Variants in MEGF11 observed in about 807,000 individuals in gnomAD.
MEGF11 encodes the protein multiple EGF like domains 11, also known as multiple epidermal growth factor-like domains protein 11.
MEGF11 carries 126 observed loss-of-function variants against 146.6 expected under a neutral mutation model. The observed-to-expected ratio is 0.86, with a 90% CI of 0.74 to 1.00. MEGF11 has a LOEUF of 1.00. MEGF11 is among the 50% of genes least tolerant of loss of function. MEGF11 has a pLI of 0.00. For missense variants in MEGF11, 1,509 were observed against 1,521.2 expected (o/e 0.99, Z 0.13); for synonymous variants, 532 against 583.4 (o/e 0.91, Z 1.27).
At chr15:66,190,487 G>A (rs1239040509) in intron 1 of MEGF11, among the ~76,000 whole-genome samples, 1 of 152,176 alleles carries the variant, frequency 6.6e-6, no homozygotes, top group Non-Finnish European at 1.5e-5. Flanking sequence ...ACAGGAGGAG[G>A]GGGCAGGGGC....
intron 5 of MEGF11, among the ~76,000 whole-genome samples, chr15:66,093,493 G>A (rs185257144): frequency 3.0e-4 from 45 of 152,272 alleles, no homozygotes; most frequent in Middle Eastern, 3.4e-3. Context: ...TAGTGGAGCC[G>A]CTTGGCTATG....
intron 4 of MEGF11, among the ~76,000 whole-genome samples, chr15:66,103,865 C>T (rs964241169): frequency 2.6e-5 from 4 of 152,290 alleles, no homozygotes; most frequent in Admixed American, 6.5e-5. Context: ...GCACAGACCC[C>T]CAGCCAGACG....
chr15:65,977,366 G>T (rs1170756732), intron 7 of MEGF11, among the ~76,000 whole-genome samples: 1 of 152,042 alleles, frequency 6.6e-6, no homozygotes, highest in African/African-American at 2.4e-5. Flanking sequence ...GTTGGTATGG[G>T]TGCTGTGAAG....
chr15:66,194,064 A>T (rs2140062361), intron 1 of MEGF11, among the ~76,000 whole-genome samples: 1 of 152,358 alleles, frequency 6.6e-6, no homozygotes, highest in South Asian at 2.1e-4. Context: ...TGTTTACAGC[A>T]GTACAATTCG....
intron 13 of MEGF11, among the ~76,000 whole-genome samples, chr15:65,924,024 C>A (rs1470931648): frequency 3.3e-5 from 5 of 152,114 alleles, no homozygotes; most frequent in Non-Finnish European, 7.4e-5. Context: ...AAAATCATGT[C>A]TGCCTTGTTA....
At chr15:66,124,660 C>T (rs569774304) in intron 2 of MEGF11, among the ~76,000 whole-genome samples, 1 of 152,334 alleles carries the variant, frequency 6.6e-6, no homozygotes, top group Non-Finnish European at 1.5e-5. Flanking sequence ...TCTATTCTGC[C>T]TCTAGTATAG....
At chr15:66,247,164 A>C (rs1226352357) in intron 1 of MEGF11, among the ~76,000 whole-genome samples, 1 of 152,180 alleles carries the variant, frequency 6.6e-6, no homozygotes, top group Non-Finnish European at 1.5e-5. Context: ...TTCCCTAGCT[A>C]CTATGGCTCC....
At chr15:65,973,354 A>G (rs1381217694) in intron 7 of MEGF11, among the ~76,000 whole-genome samples, 1 of 152,208 alleles carries the variant, frequency 6.6e-6, no homozygotes, top group African/African-American at 2.4e-5. Context: ...AACTGGAGAG[A>G]CTTCTAATGG....
chr15:66,008,411 G>GCACGCA (rs1555460842), intron 5 of MEGF11, among the ~76,000 whole-genome samples: 2 of 52,058 alleles, frequency 3.8e-5, no homozygotes, highest in African/African-American at 9.7e-5. Flanking sequence ...ACGCGCGCGC[G>GCACGCA]CACACACACA....
Position 65,965,007 on chromosome 15 carries a change from C to T in MEGF11, c.1013G>A (p.Gly338Asp), listed in dbSNP as rs1438274208. ...PTTGACECEP[G>D]YKGPRCQERL... is the part of the protein sequence containing the mutation. ...CTCCTGGCAGCGTGGGCCCTTGTAG[C>T]CAGGCTCACACTCGCAGGCACCCGT... is the stretch of plus-strand genomic sequence containing the variant. The change falls in exon 9 of 26, where the codon GGC (glycine) becomes GAC (aspartate). Residue 338 changes from glycine (G) to aspartate (D), a missense_variant. Gly to Asp is a moderately conservative substitution (Grantham distance 94). Transcript: ENST00000395614. 1.3e-6 allele frequency: 2 copies of T among 1,571,428 alleles called. No homozygotes were observed. The highest frequency in any genetic ancestry group is 1.4e-5 in the African/African-American group (1 of 73,962).
intron 8 of MEGF11, among the ~76,000 whole-genome samples, chr15:65,965,587 TCTTTCTTTCTTTC>T (rs750485009): frequency 0.2 from 7,996 of 39,174 alleles, 725 homozygotes; most frequent in East Asian, 0.59. Flanking sequence ...TTTCTTTCTT[TCTTTCTTTCTTTC>T]TTTTTTTTTT....
At chr15:65,899,350 G>A (rs548851392) in intron 24 of MEGF11, among the ~76,000 whole-genome samples, 1 of 152,136 alleles carries the variant, frequency 6.6e-6, no homozygotes, top group Non-Finnish European at 1.5e-5. Context: ...CATGCCTTTG[G>A]ACTCCTTGGC....
chr15:66,198,278 G>C (rs2091059599), intron 1 of MEGF11, among the ~76,000 whole-genome samples: 1 of 152,096 alleles, frequency 6.6e-6, no homozygotes, highest in Non-Finnish European at 1.5e-5. Context: ...CTTCTTAAAG[G>C]GACCCTGGGT....
chr15:66,243,501 C>T (rs531273754), intron 1 of MEGF11, among the ~76,000 whole-genome samples: 78 of 152,202 alleles, frequency 5.1e-4, no homozygotes, highest in African/African-American at 1.7e-3. Context: ...CAGCTGGGAG[C>T]GGGGCAATCT....
At chr15:65,907,249 T>G (rs28394550) in intron 23 of MEGF11, among the ~76,000 whole-genome samples, 1,644 of 152,300 alleles carry the variant, frequency 0.011, 37 homozygotes, top group African/African-American at 0.037. Flanking sequence ...TACTGAGAGA[T>G]ATGGCAGAAC....
intron 10 of MEGF11, among the ~76,000 whole-genome samples, chr15:65,931,853 A>T (rs140683108): frequency 7.3e-4 from 111 of 152,350 alleles, no homozygotes; most frequent in African/African-American, 2.6e-3. Flanking sequence ...CACAGCACTC[A>T]TAGGAGATAG....
rs1333499494 is a variant in MEGF11, at chr15:66,037,288, A to T, written c.395-54800T>A. ...TCCGTCTCATACTTACCATGAGTCA[A>T]TGAACCAATAAGCATTTACTAAACA... On this transcript the variant is annotated intron_variant, in intron 5 of 25. Coordinates refer to ENST00000395614, the MANE Select transcript of MEGF11 (RefSeq NM_001385028.1). 3.9e-5 allele frequency among the ~76,000 whole-genome samples: 6 copies of T among 152,332 alleles called. No homozygotes were observed. The South Asian group carries it at 1.2e-3, about 32-fold the overall frequency.
intron 1 of MEGF11, among the ~76,000 whole-genome samples, chr15:66,138,659 C>T (rs1322739677): frequency 2.6e-5 from 4 of 152,152 alleles, no homozygotes; most frequent in Non-Finnish European, 5.9e-5. Context: ...TTTCTGAGTC[C>T]TAATCCCAGC....
chr15:66,181,447 A>G (rs1295313637), intron 1 of MEGF11, among the ~76,000 whole-genome samples: 1 of 152,144 alleles, frequency 6.6e-6, no homozygotes, highest in Admixed American at 6.5e-5. Context: ...TTCACACTTT[A>G]GTGAGCCTGG....
Sources: gnomAD v4.1 joint callset for allele counts (sites outside exome capture counted in the v4.1 genomes callset) on GRCh38, gnomAD v4.1.1 for gene constraint, MANE v1.5 for transcripts, NCBI Gene and HGNC (gene_info 2026-07-23, HGNC 2026-07-21) for gene names.